Variants in STIM2 observed in about 807,000 individuals in gnomAD.
STIM2 encodes the protein stromal interaction molecule 2.
STIM2 carries 31 observed loss-of-function variants against 85.8 expected under a neutral mutation model. The observed-to-expected ratio is 0.36, with a 90% CI of 0.27 to 0.49. The LOEUF (loss-of-function observed/expected upper bound fraction) is 0.49. Among genes scored for constraint, STIM2 ranks in the 20% least tolerant of loss-of-function variants. STIM2 has a pLI of 0.98. For missense variants in STIM2, 841 were observed against 927.6 expected (o/e 0.91, Z 1.21); for synonymous variants, 356 against 331.1 (o/e 1.08, Z -0.82).
intron 10 of STIM2, 136 bp downstream of exon 10, chr4:27,009,138 A>G: frequency 1.5e-6 from 1 of 665,292 alleles, no homozygotes; most frequent in Non-Finnish European, 2.6e-6. Flanking sequence ...TCTTTTTGTT[A>G]GTAATTTAAA....
At chr4:26,967,148 C>T (rs1266789604) in intron 3 of STIM2, among the ~76,000 whole-genome samples, 2 of 152,212 alleles carry the variant, frequency 1.3e-5, no homozygotes, top group Middle Eastern at 3.4e-3. Flanking sequence ...GGAAATTTAT[C>T]GTTTTTATTT....
At chr4:26,958,831 A>G (rs751765326) in intron 3 of STIM2, among the ~76,000 whole-genome samples, 5 of 152,194 alleles carry the variant, frequency 3.3e-5, no homozygotes, top group South Asian at 2.1e-4. Context: ...TTGACACGAC[A>G]TAGCTCAGCA....
intron 4 of STIM2, among the ~76,000 whole-genome samples, chr4:26,996,912 T>C (rs1364140970): frequency 2.0e-5 from 3 of 152,200 alleles, no homozygotes; most frequent in Admixed American, 6.5e-5. Context: ...TTATAGCTAC[T>C]CATTTCCTTT....
intron 11 of STIM2, chr4:27,021,411 G>A (rs762659893): frequency 8.9e-6 from 4 of 449,320 alleles, no homozygotes; most frequent in South Asian, 3.1e-5. Context: ...AGTAAGCCAC[G>A]TGGAGATGGA....
intron 3 of STIM2, among the ~76,000 whole-genome samples, chr4:26,966,905 A>T (rs1433900160): frequency 6.6e-6 from 1 of 152,154 alleles, no homozygotes; most frequent in Non-Finnish European, 1.5e-5. Context: ...TTATATTTTA[A>T]AGATAAGAAC....
At chr4:26,989,447 TAA>T (rs1257781696) in intron 3 of STIM2, among the ~76,000 whole-genome samples, 2 of 152,096 alleles carry the variant, frequency 1.3e-5, no homozygotes, top group Non-Finnish European at 2.9e-5. Context: ...ATTGGGTATA[TAA>T]GGAGCATACC....
chr4:26,936,002 G>A (rs1196296155), intron 2 of STIM2, among the ~76,000 whole-genome samples: 1 of 151,974 alleles, frequency 6.6e-6, no homozygotes, highest in African/African-American at 2.4e-5. Flanking sequence ...ATGTTTTATA[G>A]GAAGTCATTG....
Position 26,860,999 on chromosome 4 carries a change from C to G in STIM2, c.-220C>G, listed in dbSNP as rs570944070. 2 of 1,300,130 alleles carry G rather than the reference C, an allele frequency of 1.5e-6. No homozygotes were observed. Among genetic ancestry groups the G allele is most frequent in the East Asian group, 5.2e-5 (1 of 19,234 alleles). 80.5% of individuals were successfully genotyped at this position (1,300,130 alleles called of 1,614,324 possible). ...TCAGAGCTCCGGAGGCCGCCGGTGC[C>G]GATGGGACCAGGCTGGCGCCCGGCG... is the stretch of plus-strand genomic sequence containing the variant. On this transcript the variant is annotated 5_prime_UTR_variant, in exon 1 of 12. Transcript: ENST00000467087.
chr4:26,976,857 G>A (rs570573243), intron 3 of STIM2, among the ~76,000 whole-genome samples: 1 of 152,280 alleles, frequency 6.6e-6, no homozygotes, highest in South Asian at 2.1e-4. Flanking sequence ...ATTATTCTAG[G>A]CTTTGGGGAT....
intron 9 of STIM2, 68 bp downstream of exon 9, chr4:27,008,596 A>G: frequency 8.3e-7 from 1 of 1,204,264 alleles, no homozygotes; most frequent in Non-Finnish European, 1.2e-6. Context: ...TTTGTGAACA[A>G]TTTATATTTA....
intron 10 of STIM2, among the ~76,000 whole-genome samples, chr4:27,013,281 A>G (rs572439174): frequency 1.1e-4 from 16 of 151,992 alleles, no homozygotes; most frequent in Non-Finnish European, 1.8e-4. Flanking sequence ...CCGCATTTAC[A>G]TAACTTTTAT....
Position 27,018,307 on chromosome 4 carries a change from G to A in STIM2, c.1763+323G>A, listed in dbSNP as rs1301782778. ...ACTTCATTTCCTGTGGCTCCAGGACGGAGGTCCCCGTGTCTGTGCTTTCTG... is the reference window on the plus strand; with the variant it reads ...ACTTCATTTCCTGTGGCTCCAGGACAGAGGTCCCCGTGTCTGTGCTTTCTG... On this transcript the variant is annotated intron_variant, in intron 11 of 11. Coordinates refer to ENST00000467087, the MANE Select transcript of STIM2 (RefSeq NM_020860.4). Among the ~76,000 whole-genome samples, 5 of 152,130 alleles carry A rather than the reference G, an allele frequency of 3.3e-5. No homozygotes were observed. The South Asian group carries it at 6.2e-4, about 19-fold the overall frequency.
chr4:26,901,060 C>T (rs2109052128), intron 1 of STIM2, among the ~76,000 whole-genome samples: 1 of 152,292 alleles, frequency 6.6e-6, no homozygotes, highest in South Asian at 2.1e-4. Flanking sequence ...TCTTGCGTTT[C>T]CTCTCCAGGG....
Position 27,008,892 on chromosome 4 carries a change from C to T in STIM2, c.1379C>T (p.Ser460Phe). The T allele has an allele frequency of 6.2e-7, 1 of 1,614,180 alleles. No individual in the cohort carries two copies. Among genetic ancestry groups the T allele is most frequent in the Non-Finnish European group, 8.5e-7 (1 of 1,180,022 alleles). ...CCCAGCCTGACCTCTTCCCTTTATT[C>T]TGATCACAGCTGGGTGGTGATGCCC... The change falls in exon 10 of 12, where the codon TCT becomes TTT. Residue 460 changes from serine to phenylalanine, a missense_variant. Physicochemically the swap from Ser to Phe is radical, Grantham distance 155. Transcript: ENST00000467087.
intron 3 of STIM2, among the ~76,000 whole-genome samples, chr4:26,970,221 A>G (rs1474111528): frequency 0.059 from 7,416 of 125,116 alleles, 251 homozygotes; most frequent in South Asian, 0.092. Flanking sequence ...ATATATATAT[A>G]TGTATATATA....
At chr4:26,884,400 T>C (rs1014431274) in intron 1 of STIM2, among the ~76,000 whole-genome samples, 15 of 152,222 alleles carry the variant, frequency 9.9e-5, no homozygotes, top group Admixed American at 9.8e-4. Context: ...GCTGTTACTG[T>C]ATTTTAAAAT....
intron 3 of STIM2, among the ~76,000 whole-genome samples, chr4:26,963,378 A>G (rs1726555941): frequency 6.6e-6 from 1 of 152,180 alleles, no homozygotes; most frequent in African/African-American, 2.4e-5. Flanking sequence ...GTTGGTTGCA[A>G]TGAGACTAGA....
At chr4:26,985,077 A>G (rs2109116699) in intron 3 of STIM2, among the ~76,000 whole-genome samples, 2 of 152,250 alleles carry the variant, frequency 1.3e-5, no homozygotes, top group Middle Eastern at 6.8e-3. Context: ...CCACTGTGCA[A>G]ATGAGGAGCT....
chr4:26,873,135 C>G (rs534059602), intron 1 of STIM2, among the ~76,000 whole-genome samples: 2 of 152,272 alleles, frequency 1.3e-5, no homozygotes, highest in Admixed American at 6.5e-5. Context: ...TGTGGTGGCT[C>G]ACACCTGTAA....
Sources: gnomAD v4.1 joint callset for allele counts (sites outside exome capture counted in the v4.1 genomes callset) on GRCh38, gnomAD v4.1.1 for gene constraint, MANE v1.5 for transcripts, NCBI Gene and HGNC (gene_info 2026-07-23, HGNC 2026-07-21) for gene names.